ATP9A: variants seen among roughly 807,000 people sequenced by gnomAD.
ATP9A encodes the protein probable phospholipid-transporting ATPase IIA.
In ATP9A, 52 loss-of-function variants were observed where a neutral mutation model predicts 144.1. The ratio of observed to expected loss-of-function variants is 0.36; its 90% CI spans 0.29 to 0.45. The LOEUF (loss-of-function observed/expected upper bound fraction) is 0.45, where lower values mean the gene tolerates loss of function less well. Among genes scored for constraint, ATP9A ranks in the 20% least tolerant of loss-of-function variants. The pLI, the probability that ATP9A is intolerant of heterozygous loss-of-function variation, is 1.00. For missense variants in ATP9A, 947 were observed against 1,392.7 expected (o/e 0.68, Z 5.09); for synonymous variants, 582 against 557.4 (o/e 1.04, Z -0.62).
At chr20:51,683,219 T>C (rs2077507943) in intron 9 of ATP9A, among the ~76,000 whole-genome samples, 1 of 152,154 alleles carries the variant, frequency 6.6e-6, no homozygotes, top group South Asian at 2.1e-4. Context: ...CCTGTATAGC[T>C]AGGACCAAAG....
chr20:51,709,450 G>T (rs190972161), intron 4 of ATP9A, among the ~76,000 whole-genome samples: 1 of 152,218 alleles, frequency 6.6e-6, no homozygotes, highest in Non-Finnish European at 1.5e-5. Flanking sequence ...GGGAGGCAGA[G>T]GTTGCAGTGA....
intron 1 of ATP9A, among the ~76,000 whole-genome samples, chr20:51,731,597 T>A (rs1320101390): frequency 6.6e-6 from 1 of 151,648 alleles, no homozygotes; most frequent in African/African-American, 2.4e-5. Flanking sequence ...CAGACGCCTA[T>A]AATCCCAGCT....
intron 3 of ATP9A, among the ~76,000 whole-genome samples, chr20:51,719,171 T>G (rs2077677224): frequency 6.6e-6 from 1 of 150,630 alleles, no homozygotes; most frequent in African/African-American, 2.4e-5. Flanking sequence ...AGATGGGGTC[T>G]GGAGCATTCC....
At chr20:51,721,200 C>T (rs2077687504) in intron 3 of ATP9A, among the ~76,000 whole-genome samples, 1 of 152,244 alleles carries the variant, frequency 6.6e-6, no homozygotes, top group Non-Finnish European at 1.5e-5. Flanking sequence ...TTCCTCCACT[C>T]CACAAGCACG....
At chr20:51,606,955 A>G (rs1439134659) in intron 26 of ATP9A, among the ~76,000 whole-genome samples, 1 of 150,614 alleles carries the variant, frequency 6.6e-6, no homozygotes, top group Non-Finnish European at 1.5e-5. Flanking sequence ...TGTGCACTAC[A>G]AAACATACAT....
chr20:51,709,505 G>C (rs2077628769), intron 4 of ATP9A, among the ~76,000 whole-genome samples: 1 of 151,998 alleles, frequency 6.6e-6, no homozygotes, highest in Non-Finnish European at 1.5e-5. Context: ...AGGGGGTTCG[G>C]TGGGGAAGAA....
At chr20:51,665,627 G>T (rs2077429560) in intron 13 of ATP9A, among the ~76,000 whole-genome samples, 1 of 152,062 alleles carries the variant, frequency 6.6e-6, no homozygotes, top group African/African-American at 2.4e-5. Flanking sequence ...GGGAGGCTGA[G>T]GCAGGAGAAT....
At chr20:51,634,855 C>CAAAGAAAAA (rs2077284355) in intron 15 of ATP9A, among the ~76,000 whole-genome samples, 1 of 109,852 alleles carries the variant, frequency 9.1e-6, no homozygotes, top group Non-Finnish European at 1.8e-5. Flanking sequence ...AACTCCATCT[C>CAAAGAAAAA]AAAAAAAAAA....
At chr20:51,712,422 A>T (rs1694957347) in intron 4 of ATP9A, among the ~76,000 whole-genome samples, 1 of 152,166 alleles carries the variant, frequency 6.6e-6, no homozygotes, top group African/African-American at 2.4e-5. Flanking sequence ...ACTCTGACAT[A>T]CACAACTGGT....
At chr20:51,651,333 CATAAT>C (rs1207762326) in intron 14 of ATP9A, among the ~76,000 whole-genome samples, 1 of 133,982 alleles carries the variant, frequency 7.5e-6, no homozygotes, top group Non-Finnish European at 1.6e-5. Context: ...TATATATTTA[CATAAT>C]ATATTATATA....
Position 51,708,717 on chromosome 20 carries a change from C to T in ATP9A, c.436+4249G>A, listed in dbSNP as rs181640235. ...CGCTACTGCACTCTAGCCTGGGCGA[C>T]AGAGCAAGACTCCGTCTCAATAAAT... On this transcript the variant is annotated intron_variant, in intron 4 of 27. Coordinates refer to ENST00000338821, the MANE Select transcript of ATP9A (RefSeq NM_006045.3). Among the ~76,000 whole-genome samples the T allele has an allele frequency of 1.2e-3, 177 of 152,248 alleles. 3 individuals are homozygous for T. In the East Asian group the frequency reaches 0.028, roughly 24 times the overall value.
At chr20:51,668,159 A>G (rs2077441512) in intron 13 of ATP9A, among the ~76,000 whole-genome samples, 2 of 27,720 alleles carry the variant, frequency 7.2e-5, no homozygotes, top group African/African-American at 1.8e-4. Context: ...AAGGAAAGGA[A>G]GGGAAGAAAG....
chr20:51,751,771 G>A (rs2077833175), intron 1 of ATP9A, among the ~76,000 whole-genome samples: 1 of 152,166 alleles, frequency 6.6e-6, no homozygotes, highest in East Asian at 1.9e-4. Context: ...TGTATTTTTA[G>A]TAGAGACGGG....
chr20:51,724,144 C>T (rs1457825787), intron 3 of ATP9A, among the ~76,000 whole-genome samples: 1 of 151,956 alleles, frequency 6.6e-6, no homozygotes, highest in Non-Finnish European at 1.5e-5. Context: ...GCACTCCAAC[C>T]TGGGCAATAA....
rs554134800 is a variant in ATP9A, at chr20:51,618,918, C to CT, written c.2205+35dup. The CT allele has an allele frequency of 2.9e-5, 47 of 1,611,026 alleles. No homozygotes were observed. The South Asian group carries it at 4.6e-4, about 16-fold the overall frequency. The stretch of plus-strand genomic sequence containing the variant: ...CCGAAGCCGGGTAAGACCCAGGCTG[C>CT]TGGGAGGACTGGCTCTCAGGGGTCC... On this transcript the variant is annotated intron_variant, in intron 20 of 27. Transcript: ENST00000338821.
chr20:51,727,875 G>T (rs988526337), intron 2 of ATP9A, among the ~76,000 whole-genome samples: 3 of 151,284 alleles, frequency 2.0e-5, no homozygotes, highest in African/African-American at 7.3e-5. Flanking sequence ...AGGTTGCAGT[G>T]AGCCGAGATC....
chr20:51,761,138 TA>T (rs1366672826), intron 1 of ATP9A, among the ~76,000 whole-genome samples: 2 of 151,730 alleles, frequency 1.3e-5, no homozygotes, highest in African/African-American at 4.8e-5. Flanking sequence ...AAAGCAAGAA[TA>T]AAAAAAATTA....
At chr20:51,612,159 C>T (rs1384339743) in intron 23 of ATP9A, among the ~76,000 whole-genome samples, 2 of 147,322 alleles carry the variant, frequency 1.4e-5, no homozygotes, top group Non-Finnish European at 3.0e-5. Context: ...TCATCATCCC[C>T]GTTTTCCAGG....
intron 14 of ATP9A, among the ~76,000 whole-genome samples, chr20:51,644,094 C>G (rs1233905028): frequency 6.6e-6 from 1 of 151,900 alleles, no homozygotes. Flanking sequence ...GGGATGGCGC[C>G]ATTGCACTTC....
Sources: allele counts gnomAD v4.1 joint callset (sites outside exome capture counted in the v4.1 genomes callset), GRCh38; gene constraint gnomAD v4.1.1; transcripts MANE v1.5; gene names NCBI Gene and HGNC (gene_info 2026-07-23, HGNC 2026-07-21).